Variants in CD2AP observed in about 807,000 individuals in gnomAD.
CD2AP encodes CD2-associated protein.
A neutral mutation model predicts 85.1 loss-of-function variants in CD2AP; 46 were observed. That is an observed-to-expected ratio of 0.54 (90% CI 0.43 to 0.69). The LOEUF is 0.69. CD2AP is among the 30% of genes least tolerant of loss of function. The probability of loss-of-function intolerance (pLI) is 0.00; values close to 1 mark genes in which losing one functional copy is unlikely to be tolerated. For synonymous variants in CD2AP, 255 were observed against 252.9 expected, an observed-to-expected ratio of 1.01 and a Z score of -0.08; for missense variants, 769 against 729.5, an observed-to-expected ratio of 1.05 and a Z score of -0.62.
chr6:47,572,977 G>T lies in CD2AP; in HGVS notation c.542-1087G>T, dbSNP rs144595088. ...GTTACCACATATTTTTCCTTACCCC[G>T]TACCCCCGGTCTTAAATGTTTCTGG... On this transcript the variant is annotated intron_variant, in intron 5 of 17. Coordinates refer to ENST00000359314, the MANE Select transcript of CD2AP (RefSeq NM_012120.3). Among the ~76,000 whole-genome samples the T allele has an allele frequency of 1.3e-3, 200 of 151,860 alleles. 4 individuals carry two copies. In the East Asian group the frequency reaches 0.03, roughly 23 times the overall value.
At chr6:47,556,480 T>C (rs1322827541) in intron 5 of CD2AP, among the ~76,000 whole-genome samples, 1 of 152,090 alleles carries the variant, frequency 6.6e-6, no homozygotes, top group Non-Finnish European at 1.5e-5. Flanking sequence ...CCCAAGCAGT[T>C]GGGATTACAG....
intron 17 of CD2AP, among the ~76,000 whole-genome samples, chr6:47,620,020 G>C (rs1769703689): frequency 6.6e-6 from 1 of 152,152 alleles, no homozygotes; most frequent in South Asian, 2.1e-4. Flanking sequence ...TGGGTTGTCT[G>C]TTTACTCTGT....
At chr6:47,511,959 C>G (rs1433345601) in intron 2 of CD2AP, among the ~76,000 whole-genome samples, 1 of 151,936 alleles carries the variant, frequency 6.6e-6, no homozygotes, top group Admixed American at 6.6e-5. Context: ...GAGATTGGGA[C>G]CATCCTGGCT....
intron 3 of CD2AP, among the ~76,000 whole-genome samples, chr6:47,539,275 ATG>A (rs1289980962): frequency 6.6e-6 from 1 of 152,146 alleles, no homozygotes; most frequent in Non-Finnish European, 1.5e-5. Context: ...TGAGAGACAT[ATG>A]TGTAGTGATA....
chr6:47,591,841 T>C (rs1250954313), intron 11 of CD2AP, among the ~76,000 whole-genome samples: 2 of 152,140 alleles, frequency 1.3e-5, no homozygotes, highest in Non-Finnish European at 2.9e-5. Flanking sequence ...TCATTTTCTT[T>C]CTTGGAGACA....
At chr6:47,614,192 C>G (rs1019845931) in intron 17 of CD2AP, among the ~76,000 whole-genome samples, 4 of 152,208 alleles carry the variant, frequency 2.6e-5, no homozygotes, top group Non-Finnish European at 4.4e-5. Context: ...TAATTTTCTT[C>G]AAGAACTTTT....
intron 11 of CD2AP, among the ~76,000 whole-genome samples, chr6:47,595,439 A>G (rs1387204285): frequency 1.3e-5 from 2 of 151,818 alleles, no homozygotes; most frequent in East Asian, 3.9e-4. Flanking sequence ...AATGTTATAT[A>G]GGACTTGAGT....
intron 17 of CD2AP, among the ~76,000 whole-genome samples, chr6:47,613,003 A>G (rs904842645): frequency 6.6e-6 from 1 of 152,170 alleles, no homozygotes; most frequent in Non-Finnish European, 1.5e-5. Context: ...ATCTTCACCA[A>G]CAGTAGATTC....
chr6:47,485,653 T>C (rs1230656849), intron 1 of CD2AP, among the ~76,000 whole-genome samples: 1 of 152,186 alleles, frequency 6.6e-6, no homozygotes, highest in African/African-American at 2.4e-5. Flanking sequence ...TCCTAGGCCT[T>C]CACATTTGCT....
In CD2AP at chr6:47,624,408, TATG is replaced by T. The variant is rs982989762; in HGVS notation, c.*183_*185del. On this transcript the variant is annotated 3_prime_UTR_variant, in exon 18 of 18. Coordinates refer to ENST00000359314, the MANE Select transcript of CD2AP (RefSeq NM_012120.3). ...TTATATATATATTTTGTTTTGCCAA[TATG>T]AAGAAAAAGAGGCCTTATTTCTTAA... 2.3e-5 allele frequency: 13 copies of T among 565,952 alleles called. No individual in the cohort carries two copies. In the African/African-American group the frequency reaches 2.4e-4, roughly 11 times the overall value. 35.1% of individuals were successfully genotyped at this position (565,952 alleles called of 1,614,324 possible).
intron 8 of CD2AP, among the ~76,000 whole-genome samples, chr6:47,578,507 C>T (rs1361524233): frequency 2.0e-5 from 3 of 152,046 alleles, no homozygotes. Flanking sequence ...AACCACTGTG[C>T]CTGGTCAAAT....
chr6:47,620,533 CT>C (rs1561836641), intron 17 of CD2AP, among the ~76,000 whole-genome samples: 1 of 151,990 alleles, frequency 6.6e-6, no homozygotes, highest in Non-Finnish European at 1.5e-5. Context: ...TATGCGGGCT[CT>C]TTTTTTGATT....
intron 2 of CD2AP, among the ~76,000 whole-genome samples, chr6:47,526,908 GT>G (rs1405374657): frequency 1.2e-4 from 19 of 152,118 alleles, no homozygotes; most frequent in Non-Finnish European, 1.9e-4. Flanking sequence ...TGTAGATTTT[GT>G]TTTTATTAGT....
chr6:47,561,395 C>T (rs1233687595), intron 5 of CD2AP, among the ~76,000 whole-genome samples: 1 of 152,008 alleles, frequency 6.6e-6, no homozygotes, highest in African/African-American at 2.4e-5. Context: ...CTTCCTTACT[C>T]TGTGATATAA....
chr6:47,505,925 C>T (rs1766149234), intron 2 of CD2AP, among the ~76,000 whole-genome samples: 5 of 103,902 alleles, frequency 4.8e-5, no homozygotes, highest in East Asian at 3.2e-4. Context: ...CCCTCCCGGA[C>T]GGGGTGGCTG....
At chr6:47,589,379 T>TACACACACACACACACACACACAC (rs1554182232) in intron 11 of CD2AP, among the ~76,000 whole-genome samples, 128 of 139,426 alleles carry the variant, frequency 9.2e-4, no homozygotes, top group African/African-American at 1.7e-3. Flanking sequence ...CTCTTGAATA[T>TACACACACACACACACACACACAC]ACACACACAC....
At chr6:47,597,739 A>G (rs551858656) in intron 12 of CD2AP, among the ~76,000 whole-genome samples, 4 of 150,638 alleles carry the variant, frequency 2.7e-5, no homozygotes, top group East Asian at 3.9e-4. Context: ...TTGCAAAAGT[A>G]TGGTGGAATT....
chr6:47,609,822 G>A lies in CD2AP; in HGVS notation c.1814+518G>A, dbSNP rs77790129. 2.6e-5 allele frequency among the ~76,000 whole-genome samples: 4 copies of A among 152,240 alleles called. No homozygotes were observed. In the East Asian group the frequency reaches 7.7e-4, roughly 29 times the overall value. On this transcript the variant is annotated intron_variant, in intron 16 of 17. Coordinates refer to ENST00000359314, the MANE Select transcript of CD2AP (RefSeq NM_012120.3). ...TTCTAGTAGCTGGATTGTGGAAAAC[G>A]TGCATACATAACCATAATTTTAGGC... is the stretch of plus-strand genomic sequence containing the variant.
intron 5 of CD2AP, among the ~76,000 whole-genome samples, chr6:47,570,933 A>G (rs1228267219): frequency 1.3e-5 from 2 of 152,136 alleles, no homozygotes; most frequent in African/African-American, 4.8e-5. Context: ...AGTACTGGAC[A>G]TTTTTGATAT....
Sources: gnomAD v4.1 joint callset for allele counts (sites outside exome capture counted in the v4.1 genomes callset) on GRCh38, gnomAD v4.1.1 for gene constraint, MANE v1.5 for transcripts, NCBI Gene and HGNC (gene_info 2026-07-23, HGNC 2026-07-21) for gene names.